Variants in LRRIQ1 observed in about 807,000 individuals in gnomAD.
LRRIQ1 encodes the protein leucine rich repeats and IQ motif containing 1.
Under a neutral mutation model 211.9 loss-of-function variants are expected in LRRIQ1, and 210 were observed. The observed-to-expected ratio is 0.99, with a 90% CI of 0.89 to 1.11. The LOEUF (loss-of-function observed/expected upper bound fraction) is 1.11. Ranked by LOEUF, LRRIQ1 falls within the 50% of genes most tolerant of loss-of-function variation. LRRIQ1 has a pLI of 0.00. For synonymous variants in LRRIQ1, 699 were observed against 650.1 expected, an observed-to-expected ratio of 1.08 and a Z score of -1.14; for missense variants, 2,136 against 1,939.5, an observed-to-expected ratio of 1.10 and a Z score of -1.90.
chr12:85,154,162 AT>A, intron 23 of LRRIQ1, 68 bp downstream of exon 23: 2 of 802,692 alleles, frequency 2.5e-6, no homozygotes, highest in Non-Finnish European at 3.7e-6. Flanking sequence ...TTTAAAATAT[AT>A]TTTATAAATT....
Position 85,160,636 on chromosome 12 carries a change from T to C in LRRIQ1, c.4744T>C (p.Phe1582Leu), listed in dbSNP as rs768705826. Residue 1582 changes from phenylalanine to leucine, a missense_variant, in exon 24 of 27, where the codon TTC (phenylalanine) becomes CTC (leucine). Coordinates refer to ENST00000393217, the MANE Select transcript of LRRIQ1 (RefSeq NM_001079910.2). Reference sequence around the variant, plus strand: ...AGATTCCACTGTGCGTCTAGCCTTATTCAAAAACAATGAAAATAAAGTGTC... The same window carrying C: ...AGATTCCACTGTGCGTCTAGCCTTACTCAAAAACAATGAAAATAAAGTGTC... Reference protein sequence around the residue: ...KIDSTVRLALFKNNENKVSLP... With the variant: ...KIDSTVRLALLKNNENKVSLP... 6.2e-7 allele frequency: 1 copy of C among 1,609,190 alleles called. No homozygotes were observed. Among genetic ancestry groups the C allele is most frequent in the East Asian group, 2.2e-5 (1 of 44,656 alleles).
chr12:85,180,053 T>C (rs971077008), intron 24 of LRRIQ1, among the ~76,000 whole-genome samples: 1 of 151,962 alleles, frequency 6.6e-6, no homozygotes, highest in Non-Finnish European at 1.5e-5. Context: ...TTCCTGCCAA[T>C]TGCTATTACT....
chr12:85,220,143 C>A (rs1894329583), intron 24 of LRRIQ1, among the ~76,000 whole-genome samples: 1 of 152,032 alleles, frequency 6.6e-6, no homozygotes, highest in South Asian at 2.1e-4. Flanking sequence ...ATTTCCATTG[C>A]ATGAAGAAGT....
intron 24 of LRRIQ1, among the ~76,000 whole-genome samples, chr12:85,199,476 T>A (rs1267263084): frequency 3.3e-5 from 5 of 152,146 alleles, no homozygotes; most frequent in African/African-American, 1.2e-4. Flanking sequence ...TGTCTGTTTT[T>A]GTACCAGTTC....
At chr12:85,265,224 A>G (rs188657524), downstream of LRRIQ1, among the ~76,000 whole-genome samples, 40 of 152,176 alleles carry the variant, frequency 2.6e-4, no homozygotes, top group African/African-American at 8.9e-4. Flanking sequence ...TAGCTGTAAT[A>G]GGTTTCCTAG....
chr12:85,092,432 C>T (rs1195045753), intron 11 of LRRIQ1, among the ~76,000 whole-genome samples: 1 of 152,094 alleles, frequency 6.6e-6, no homozygotes, highest in East Asian at 1.9e-4. Context: ...CACAAGATAA[C>T]CTCAGCCAAA....
intron 2 of LRRIQ1, among the ~76,000 whole-genome samples, chr12:85,038,532 C>T (rs2135855959): frequency 6.6e-6 from 1 of 151,514 alleles, no homozygotes; most frequent in Admixed American, 6.6e-5. Context: ...TACTTGTGAA[C>T]ATTTTAGCAT....
chr12:85,109,572 G>C (rs1355597526), intron 15 of LRRIQ1, among the ~76,000 whole-genome samples: 2 of 152,096 alleles, frequency 1.3e-5, no homozygotes, highest in African/African-American at 4.8e-5. Flanking sequence ...AGATGAAAGA[G>C]TATGACCTAG....
At chr12:85,176,132 C>A (rs532055531) in intron 24 of LRRIQ1, among the ~76,000 whole-genome samples, 2 of 152,086 alleles carry the variant, frequency 1.3e-5, no homozygotes, top group African/African-American at 4.8e-5. Context: ...TTCTTCCTAC[C>A]CATGAGCATG....
chr12:85,185,082 G>A (rs1317729913), intron 24 of LRRIQ1, among the ~76,000 whole-genome samples: 1 of 151,846 alleles, frequency 6.6e-6, no homozygotes, highest in Non-Finnish European at 1.5e-5. Flanking sequence ...AAACTATAGG[G>A]TTGATTAAAC....
At chr12:85,055,032 T>C (rs1592707238) in intron 7 of LRRIQ1, among the ~76,000 whole-genome samples, 1 of 152,130 alleles carries the variant, frequency 6.6e-6, no homozygotes, top group Non-Finnish European at 1.5e-5. Context: ...GGATAAGATA[T>C]GTGAGTAGGC....
intron 19 of LRRIQ1, among the ~76,000 whole-genome samples, chr12:85,139,787 T>C (rs1429463777): frequency 6.6e-6 from 1 of 151,388 alleles, no homozygotes; most frequent in Non-Finnish European, 1.5e-5. Flanking sequence ...AAATTCAACA[T>C]TAATCTATTA....
chr12:85,155,081 T>C (rs1175134463), intron 23 of LRRIQ1, among the ~76,000 whole-genome samples: 3 of 151,454 alleles, frequency 2.0e-5, no homozygotes, highest in Non-Finnish European at 4.4e-5. Flanking sequence ...GAATAACTGA[T>C]ATTTATTGGC....
chr12:85,216,217 T>C (rs559174401), intron 24 of LRRIQ1, among the ~76,000 whole-genome samples: 93 of 152,292 alleles, frequency 6.1e-4, no homozygotes, highest in Middle Eastern at 3.4e-3. Context: ...TCCCCATCGC[T>C]GTGTCCATGT....
intron 26 of LRRIQ1, among the ~76,000 whole-genome samples, chr12:85,239,580 C>T (rs1177347187): frequency 1.3e-5 from 2 of 151,858 alleles, no homozygotes; most frequent in South Asian, 2.1e-4. Flanking sequence ...TGCTGGACAA[C>T]TAGATAACTA....
chr12:85,237,246 T>C (rs1026714636), intron 26 of LRRIQ1, among the ~76,000 whole-genome samples: 2 of 152,072 alleles, frequency 1.3e-5, no homozygotes, highest in African/African-American at 2.4e-5. Flanking sequence ...CACAGGACTA[T>C]GATCCCTGAG....
At chr12:85,242,039 G>A (rs575913381) in intron 26 of LRRIQ1, among the ~76,000 whole-genome samples, 1 of 152,076 alleles carries the variant, frequency 6.6e-6, no homozygotes, top group African/African-American at 2.4e-5. Flanking sequence ...AACCTTGTAG[G>A]TAGGGCGATA....
intron 26 of LRRIQ1, among the ~76,000 whole-genome samples, chr12:85,240,451 A>G (rs1242785524): frequency 1.3e-5 from 2 of 152,172 alleles, no homozygotes; most frequent in African/African-American, 2.4e-5. Flanking sequence ...TAAGCTTCTT[A>G]TAAAGTTAAA....
At chr12:85,052,659 ATTATT>A (rs879831570) in intron 7 of LRRIQ1, among the ~76,000 whole-genome samples, 3 of 152,104 alleles carry the variant, frequency 2.0e-5, no homozygotes, top group Admixed American at 6.5e-5. Flanking sequence ...TTCATATACA[ATTATT>A]TTAAGTAATT....
Sources: gnomAD v4.1 joint callset for allele counts (sites outside exome capture counted in the v4.1 genomes callset) on GRCh38, gnomAD v4.1.1 for gene constraint, MANE v1.5 for transcripts, NCBI Gene and HGNC (gene_info 2026-07-23, HGNC 2026-07-21) for gene names.